The following MYH15 variants were observed in gnomAD, a reference collection of about 807,000 sequenced individuals.
MYH15 encodes myosin-15.
A neutral mutation model predicts 240.5 loss-of-function variants in MYH15; 227 were observed. The observed-to-expected ratio is 0.94, with a 90% CI of 0.85 to 1.05. MYH15 has a LOEUF of 1.05. MYH15 is among the 50% of genes least tolerant of loss of function. The pLI, the probability that MYH15 is intolerant of heterozygous loss-of-function variation, is 0.00. For missense variants in MYH15, 2,217 were observed against 2,247.5 expected (o/e 0.99, Z 0.27); for synonymous variants, 785 against 796.7 (o/e 0.99, Z 0.25).
intron 16 of MYH15, among the ~76,000 whole-genome samples, chr3:108,462,145 G>A (rs190596338): frequency 1.6e-4 from 25 of 152,116 alleles, no homozygotes; most frequent in Admixed American, 3.3e-4. Context: ...AGAGGCTGTC[G>A]ATCTGTGACT....
chr3:108,456,759 G>C lies in MYH15; in HGVS notation c.2138+7C>G. 3.8e-6 allele frequency: 6 copies of C among 1,591,578 alleles called. No homozygotes were observed. Among genetic ancestry groups the C allele is most frequent in the Non-Finnish European group, 5.2e-6 (6 of 1,159,818 alleles). On this transcript the variant is annotated splice_region_variant and intron_variant, in intron 19 of 40. Coordinates refer to ENST00000693548, the MANE Select transcript of MYH15 (RefSeq NM_014981.3). ...CAGGCTTCTTGGATCCTAGAATGTA[G>C]GTTTACCTTTGTTTAAAATCAGCAT...
chr3:108,485,755 A>G (rs2083300513), intron 10 of MYH15, among the ~76,000 whole-genome samples: 1 of 152,242 alleles, frequency 6.6e-6, no homozygotes, highest in Non-Finnish European at 1.5e-5. Context: ...AAAAATTGGT[A>G]CAATCTTTCT....
chr3:108,396,180 T>C (rs2107539035), intron 35 of MYH15, among the ~76,000 whole-genome samples: 1 of 152,324 alleles, frequency 6.6e-6, no homozygotes, highest in Non-Finnish European at 1.5e-5. Flanking sequence ...CATCTCTCTC[T>C]AGGCTAGTGA....
chr3:108,502,557 C>A (rs1231462170), intron 2 of MYH15, among the ~76,000 whole-genome samples: 1 of 151,906 alleles, frequency 6.6e-6, no homozygotes, highest in Non-Finnish European at 1.5e-5. Flanking sequence ...TATTAAAGCA[C>A]CTATCACAAT....
chr3:108,549,274 T>C, the MYH15 span, among the ~76,000 whole-genome samples: 21 of 151,962 alleles, frequency 1.4e-4, no homozygotes, highest in African/African-American at 5.1e-4. Context: ...CACTTTTGCT[T>C]TTTTAATATG....
chr3:108,427,693 T>C (rs1442406980), intron 27 of MYH15, among the ~76,000 whole-genome samples: 1 of 151,912 alleles, frequency 6.6e-6, no homozygotes, highest in Non-Finnish European at 1.5e-5. Flanking sequence ...CTACTCAGTA[T>C]GGTATTTAAA....
Position 108,510,559 on chromosome 3 carries a change from G to A in MYH15, c.-29C>T. 1 of 1,611,324 alleles carries A rather than the reference G, an allele frequency of 6.2e-7. No individual in the cohort carries two copies. Among genetic ancestry groups the A allele is most frequent in the Non-Finnish European group, 8.5e-7 (1 of 1,179,028 alleles). On this transcript the variant is annotated 5_prime_UTR_variant, in exon 1 of 41. Coordinates refer to ENST00000693548, the MANE Select transcript of MYH15 (RefSeq NM_014981.3). ...TATTAAAGCAATCCACCAAAAAAAG[G>A]CCCTAAACGTGAGTAGGCAAGATTC...
At chr3:108,458,080 G>T (rs1433669507) in intron 18 of MYH15, among the ~76,000 whole-genome samples, 1 of 152,094 alleles carries the variant, frequency 6.6e-6, no homozygotes, top group Non-Finnish European at 1.5e-5. Flanking sequence ...GAGGGGTACA[G>T]GGAGTAGAAT....
chr3:108,420,040 T>C (rs1005760413), intron 28 of MYH15, among the ~76,000 whole-genome samples: 1 of 151,778 alleles, frequency 6.6e-6, no homozygotes, highest in African/African-American at 2.4e-5. Flanking sequence ...TCATTATAAA[T>C]GACCGAGTAT....
rs535680800 is a variant in MYH15, at chr3:108,459,926, A to G, written c.1932+374T>C. Among the ~76,000 whole-genome samples, 19 of 152,292 alleles carry G rather than the reference A, an allele frequency of 1.2e-4. No homozygotes were observed. The South Asian group carries it at 3.5e-3, about 28-fold the overall frequency. Reference sequence around the variant, plus strand: ...CTTTAGTCTGATCCTTGCAAGCAAGAGCTGTAAACACGAATGCACCAATTG... The same window carrying G: ...CTTTAGTCTGATCCTTGCAAGCAAGGGCTGTAAACACGAATGCACCAATTG... On this transcript the variant is annotated intron_variant, in intron 17 of 40. Transcript: ENST00000693548.
chr3:108,510,978 G>T (rs1416124375), upstream of MYH15, among the ~76,000 whole-genome samples: 1 of 151,908 alleles, frequency 6.6e-6, no homozygotes, highest in Non-Finnish European at 1.5e-5. Flanking sequence ...ATATTTTTTT[G>T]TGGAGAAATG....
chr3:108,444,823 G>A lies in MYH15; in HGVS notation c.2472C>T (p.Leu824=), dbSNP rs763505663. The A allele has an allele frequency of 2.0e-5, 32 of 1,613,912 alleles. No homozygotes were observed. The highest frequency in any genetic ancestry group is 2.6e-5 in the Non-Finnish European group (31 of 1,179,946). Residue 824 remains leucine (L), a synonymous_variant, in exon 22 of 41, where the codon CTC becomes CTT. Transcript: ENST00000693548. ...TAACAAGAGGCTTGATCTTGAAGAA[G>A]AGCCTCATCCAGGGCCAGTTCTTCA... The part of the protein sequence containing the change: ...MAVKNWPWMR[L]FFKIKPLVKS...
Position 108,405,510 on chromosome 3 carries a change from T to A in MYH15, c.4621-57A>T, listed in dbSNP as rs919954148. The A allele has an allele frequency of 2.1e-5, 24 of 1,155,016 alleles. No individual in the cohort carries two copies. The African/African-American group carries it at 3.5e-4, about 17-fold the overall frequency. The allele number at this position is 1,155,016 out of a possible 1,614,324, so 71.5% of individuals were successfully genotyped here. A position where few individuals can be genotyped will look rare whatever the true frequency, so the allele number is the denominator to read the frequency against. On this transcript the variant is annotated intron_variant, in intron 32 of 40. Transcript: ENST00000693548. ...AGTCCACTTTTAGACAAAATTGTAT[T>A]TTTTACCCAAAACATATGTCGCTAA...
intron 25 of MYH15, among the ~76,000 whole-genome samples, chr3:108,436,653 C>T (rs1397552933): frequency 2.6e-5 from 4 of 152,200 alleles, no homozygotes; most frequent in Non-Finnish European, 5.9e-5. Flanking sequence ...ATTCTCCTGC[C>T]TCAGCCTCCC....
chr3:108,428,831 T>C lies in MYH15; in HGVS notation c.3363A>G (p.Arg1121=), dbSNP rs1190966783. 4.4e-5 allele frequency: 71 copies of C among 1,613,574 alleles called. No homozygotes were observed. The highest frequency in any genetic ancestry group is 5.4e-5 in the Non-Finnish European group (64 of 1,179,940). ...KEKLEAERTT[R]AKMERERADL... ...CAGCTCTCTCCCTTTCCATCTTGGCTCGAGTGGTCCTTTCAGCTTCTAGTT... is the reference window on the plus strand; with the variant it reads ...CAGCTCTCTCCCTTTCCATCTTGGCCCGAGTGGTCCTTTCAGCTTCTAGTT... Residue 1121 remains arginine, a synonymous_variant, in exon 27 of 41, where the codon CGA becomes CGG. Transcript: ENST00000693548.
chr3:108,452,399 A>C (rs1049105879), intron 21 of MYH15, among the ~76,000 whole-genome samples: 5 of 152,194 alleles, frequency 3.3e-5, no homozygotes, highest in African/African-American at 1.2e-4. Context: ...GTAGCAACAA[A>C]AAAAAAGGAA....
intron 32 of MYH15, among the ~76,000 whole-genome samples, chr3:108,407,802 A>G (rs1364290865): frequency 6.6e-6 from 1 of 152,262 alleles, no homozygotes; most frequent in Non-Finnish European, 1.5e-5. Flanking sequence ...CTGAGCCTCT[A>G]CTACATGCCA....
At chr3:108,408,760 G>A (rs2082565369) in intron 31 of MYH15, among the ~76,000 whole-genome samples, 1 of 152,184 alleles carries the variant, frequency 6.6e-6, no homozygotes, top group Non-Finnish European at 1.5e-5. Flanking sequence ...TCCAGTGTAA[G>A]TGCTTAGCTA....
chr3:108,412,489 A>T (rs1164009623), intron 30 of MYH15, among the ~76,000 whole-genome samples: 1 of 152,218 alleles, frequency 6.6e-6, no homozygotes, highest in Non-Finnish European at 1.5e-5. Flanking sequence ...CTTTATTAGC[A>T]GTGTGAGAAC....
Sources: allele counts gnomAD v4.1 joint callset (sites outside exome capture counted in the v4.1 genomes callset), GRCh38; gene constraint gnomAD v4.1.1; transcripts MANE v1.5; gene names NCBI Gene and HGNC (gene_info 2026-07-23, HGNC 2026-07-21).